C2CD3: variants seen among roughly 807,000 people sequenced by gnomAD.
The protein encoded by C2CD3 is C2 domain containing 3 centriole elongation regulator.
C2CD3 carries 148 observed loss-of-function variants against 234.0 expected under a neutral mutation model. That is an observed-to-expected ratio of 0.63 (90% CI 0.55 to 0.72). The LOEUF (loss-of-function observed/expected upper bound fraction) is 0.72, where lower values mean the gene tolerates loss of function less well. Ranked by LOEUF, C2CD3 falls within the 30% of genes least tolerant of loss-of-function variation. The pLI, the probability that C2CD3 is intolerant of heterozygous loss-of-function variation, is 0.00. For synonymous variants in C2CD3, 1,000 were observed against 1,035.4 expected, an observed-to-expected ratio of 0.97 and a Z score of 0.66; for missense variants, 2,577 against 2,811.5, an observed-to-expected ratio of 0.92 and a Z score of 1.89.
chr11:74,106,826 A>C (rs1447083756), intron 12 of C2CD3, among the ~76,000 whole-genome samples: 1 of 152,230 alleles, frequency 6.6e-6, no homozygotes, highest in Non-Finnish European at 1.5e-5. Flanking sequence ...AATTTTTGCT[A>C]TTAAAACTAG....
intron 32 of C2CD3, among the ~76,000 whole-genome samples, chr11:74,020,136 G>A (rs1442820799): frequency 3.9e-5 from 6 of 152,360 alleles, no homozygotes; most frequent in Admixed American, 6.5e-5. Context: ...TGGGCAGAGC[G>A]TGGGCTTAAC....
At chr11:74,055,369 C>T (rs917311506) in intron 25 of C2CD3, among the ~76,000 whole-genome samples, 6 of 150,938 alleles carry the variant, frequency 4.0e-5, no homozygotes, top group Non-Finnish European at 8.8e-5. Flanking sequence ...ACCTCCAATA[C>T]ATTTATATAT....
chr11:74,107,665 T>C (rs1238422185), intron 12 of C2CD3, among the ~76,000 whole-genome samples: 1 of 152,022 alleles, frequency 6.6e-6, no homozygotes, highest in East Asian at 1.9e-4. Flanking sequence ...AGATGCTAAA[T>C]GATAAAAAGG....
intron 15 of C2CD3, 107 bp downstream of exon 15, chr11:74,100,418 T>C (rs1442319200): frequency 9.4e-7 from 1 of 1,062,764 alleles, no homozygotes; most frequent in African/African-American, 1.6e-5. Context: ...AAAAAGTCCT[T>C]CAAGGGATTA....
chr11:74,164,281 C>G (rs1856665064), intron 2 of C2CD3: 2 of 957,944 alleles, frequency 2.1e-6, no homozygotes, highest in African/African-American at 3.6e-5. Flanking sequence ...CGTAGTGTAG[C>G]CATAATTTTC....
intron 3 of C2CD3, among the ~76,000 whole-genome samples, chr11:74,153,473 C>T (rs1169845146): frequency 6.6e-6 from 1 of 152,040 alleles, no homozygotes; most frequent in Non-Finnish European, 1.5e-5. Context: ...AGCATGAATA[C>T]TTTGGGATAA....
At chr11:74,151,368 A>G (rs1219363386) in intron 3 of C2CD3, among the ~76,000 whole-genome samples, 8 of 151,490 alleles carry the variant, frequency 5.3e-5, no homozygotes, top group Admixed American at 5.3e-4. Flanking sequence ...CCCAGGCTGG[A>G]GTGCAGTGGC....
Position 74,078,129 on chromosome 11 carries a change from G to A in C2CD3, c.4589C>T (p.Thr1530Met), listed in dbSNP as rs145271806. The change falls in exon 23 of 33, where the codon ACG (threonine) becomes ATG (methionine). Residue 1530 changes from threonine to methionine, a missense_variant. By Grantham distance (81) the Thr-to-Met change is moderately conservative (BLOSUM62 -1). Transcript: ENST00000334126. ...LARLGERSAR[T>M]LTVSGVYPLF... ...TCCTCACTTACCACTGACAGTTAGC[G>A]TCCTCGCTGACCTCTCCCCAAGTCT... 68 of 1,613,202 alleles carry A rather than the reference G, an allele frequency of 4.2e-5. No homozygotes were observed. Among genetic ancestry groups the A allele is most frequent in the Admixed American group, 8.3e-5 (5 of 59,924 alleles).
At chr11:74,062,823 A>C (rs536332005) in intron 24 of C2CD3, among the ~76,000 whole-genome samples, 3 of 152,188 alleles carry the variant, frequency 2.0e-5, no homozygotes, top group Non-Finnish European at 4.4e-5. Context: ...TCAAAAAAAA[A>C]AACCAATGAA....
chr11:74,056,389 A>C (rs150462845), intron 25 of C2CD3, among the ~76,000 whole-genome samples: 11 of 152,372 alleles, frequency 7.2e-5, no homozygotes, highest in Admixed American at 7.2e-4. Context: ...TGTCCTAATA[A>C]AATCTGAGTG....
At chr11:74,117,050 A>G (rs1166841806) in intron 9 of C2CD3, among the ~76,000 whole-genome samples, 18 of 34,870 alleles carry the variant, frequency 5.2e-4, no homozygotes, top group East Asian at 1.1e-3. Flanking sequence ...GTGTGTGTGT[A>G]TATATATATG....
At chr11:74,139,292 A>C (rs1957968667) in intron 4 of C2CD3, among the ~76,000 whole-genome samples, 1 of 152,258 alleles carries the variant, frequency 6.6e-6, no homozygotes, top group East Asian at 1.9e-4. Flanking sequence ...GTTTCACAGA[A>C]TAGCTCCCTG....
chr11:74,015,992 G>A (rs182688706), intron 32 of C2CD3, among the ~76,000 whole-genome samples: 7 of 152,124 alleles, frequency 4.6e-5, no homozygotes, highest in Non-Finnish European at 7.4e-5. Flanking sequence ...TGGGAGGATC[G>A]CTTGAGCCCA....
chr11:74,168,568 T>G lies in C2CD3; in HGVS notation c.101A>C (p.Glu34Ala). 3.1e-6 allele frequency: 5 copies of G among 1,614,130 alleles called. No homozygotes were observed. The highest frequency in any genetic ancestry group is 4.2e-6 in the Non-Finnish European group (5 of 1,179,918). ...TTTTAGAAAACAGCGTAGCTGGCCT[T>G]CAACCAGAGGTGGCAGGCTTGTAGA... ...SPSTSLPPLV[E>A]GQLRCFLKLT... The change falls in exon 2 of 33, where the codon GAA becomes GCA. Residue 34 changes from glutamate (E) to alanine (A), a missense_variant. Coordinates refer to ENST00000334126, the MANE Select transcript of C2CD3 (RefSeq NM_001286577.2).
chr11:74,111,702 C>T (rs1473869758), intron 11 of C2CD3, among the ~76,000 whole-genome samples: 1 of 152,016 alleles, frequency 6.6e-6, no homozygotes, highest in Non-Finnish European at 1.5e-5. Flanking sequence ...CAAGCTTGTC[C>T]AACCCACAAG....
intron 30 of C2CD3, chr11:74,036,534 G>A (rs962348386): frequency 6.6e-6 from 3 of 455,738 alleles, no homozygotes; most frequent in African/African-American, 2.0e-5. Flanking sequence ...TAATCAAGGT[G>A]TTTTTCTCTC....
intron 10 of C2CD3, 101 bp downstream of exon 10, chr11:74,114,282 GA>G (rs1956852522): frequency 8.7e-6 from 7 of 805,268 alleles, no homozygotes; most frequent in Non-Finnish European, 1.2e-5. Flanking sequence ...TGATGCATAT[GA>G]AAACACATCC....
At chr11:74,130,038 A>G (rs1251478105) in intron 7 of C2CD3, 4 of 147,480 alleles carry the variant, frequency 2.7e-5, no homozygotes, top group African/African-American at 7.6e-5. Flanking sequence ...GTCCAGCTTC[A>G]GCTCGGCATC....
Position 74,154,475 on chromosome 11 carries a change from G to T in C2CD3, c.483+6924C>A, listed in dbSNP as rs113788312. ...TGGGAATATAAATGAATGAATGAATGAATGAATGAATAAATACTTATAGCC... is the reference window on the plus strand; with the variant it reads ...TGGGAATATAAATGAATGAATGAATTAATGAATGAATAAATACTTATAGCC... On this transcript the variant is annotated intron_variant, in intron 3 of 32. Coordinates refer to ENST00000334126, the MANE Select transcript of C2CD3 (RefSeq NM_001286577.2). Among the ~76,000 whole-genome samples the T allele has an allele frequency of 7.9e-4, 120 of 152,230 alleles. 1 individual carries two copies. The highest frequency in any genetic ancestry group is 2.6e-3 in the African/African-American group (106 of 41,560).
Sources: gnomAD v4.1 joint callset for allele counts (sites outside exome capture counted in the v4.1 genomes callset) on GRCh38, gnomAD v4.1.1 for gene constraint, MANE v1.5 for transcripts, NCBI Gene and HGNC (gene_info 2026-07-23, HGNC 2026-07-21) for gene names.